SLC25A12: variants seen among roughly 807,000 people sequenced by gnomAD.
SLC25A12 encodes the protein solute carrier family 25 member 12.
SLC25A12 carries 32 observed loss-of-function variants against 83.3 expected under a neutral mutation model. The ratio of observed to expected loss-of-function variants is 0.38; its 90% CI spans 0.29 to 0.52. The LOEUF is 0.52. Among genes scored for constraint, SLC25A12 ranks in the 20% least tolerant of loss-of-function variants. SLC25A12 has a pLI of 0.84. For missense variants in SLC25A12, 611 were observed against 835.6 expected, an observed-to-expected ratio of 0.73 and a Z score of 3.31; for synonymous variants, 267 against 291.1, an observed-to-expected ratio of 0.92 and a Z score of 0.84.
Position 171,815,205 on chromosome 2 carries a change from G to A in SLC25A12, c.931-3C>T. 1 of 1,610,566 alleles carries A rather than the reference G, an allele frequency of 6.2e-7. No homozygotes were observed. Among genetic ancestry groups the A allele is most frequent in the Non-Finnish European group, 8.5e-7 (1 of 1,176,952 alleles). On this transcript the variant is annotated splice_polypyrimidine_tract_variant and splice_region_variant and intron_variant, in intron 9 of 17. Coordinates refer to ENST00000422440, the MANE Select transcript of SLC25A12 (RefSeq NM_003705.5). ...GGCCTGCCTAACCCAGGAGACTGCTGCAGAGAAGAAAACGGGTAAAAAAAA... is the reference window on the plus strand; with the variant it reads ...GGCCTGCCTAACCCAGGAGACTGCTACAGAGAAGAAAACGGGTAAAAAAAA...
intron 8 of SLC25A12, among the ~76,000 whole-genome samples, chr2:171,831,519 T>C (rs1684430807): frequency 6.6e-6 from 1 of 152,174 alleles, no homozygotes; most frequent in South Asian, 2.1e-4. Flanking sequence ...TAAAGTAGAA[T>C]GCTTAATTAC....
intron 2 of SLC25A12, among the ~76,000 whole-genome samples, chr2:171,871,967 T>C (rs1460070295): frequency 1.2e-5 from 1 of 80,678 alleles, no homozygotes; most frequent in African/African-American, 3.5e-5. Context: ...TGATGACTTG[T>C]GCTATAGAAC....
chr2:171,785,709 A>C (rs539318879), intron 17 of SLC25A12, among the ~76,000 whole-genome samples: 3 of 152,178 alleles, frequency 2.0e-5, no homozygotes, highest in Non-Finnish European at 2.9e-5. Flanking sequence ...CAATGCTTGC[A>C]TACATATATA....
intron 3 of SLC25A12, among the ~76,000 whole-genome samples, chr2:171,865,159 C>T (rs776043002): frequency 6.6e-6 from 1 of 152,058 alleles, no homozygotes; most frequent in African/African-American, 2.4e-5. Flanking sequence ...GCATAGCAGG[C>T]ACTCAATACC....
intron 13 of SLC25A12, among the ~76,000 whole-genome samples, chr2:171,803,306 A>G (rs552912112): frequency 6.6e-6 from 1 of 152,268 alleles, no homozygotes; most frequent in Admixed American, 6.5e-5. Flanking sequence ...ATATAACACC[A>G]AAAGCACAAA....
At chr2:171,839,102 T>A (rs1684618190) in intron 5 of SLC25A12, among the ~76,000 whole-genome samples, 1 of 152,084 alleles carries the variant, frequency 6.6e-6, no homozygotes, top group African/African-American at 2.4e-5. Context: ...AGGAAAACAG[T>A]GAGAGAAAGA....
intron 2 of SLC25A12, among the ~76,000 whole-genome samples, chr2:171,880,138 G>C (rs1339966316): frequency 6.6e-6 from 1 of 152,150 alleles, no homozygotes; most frequent in African/African-American, 2.4e-5. Flanking sequence ...TAATACAGAT[G>C]AAGCAAGGTT....
chr2:171,866,683 G>A (rs1685323448), intron 3 of SLC25A12, among the ~76,000 whole-genome samples: 1 of 130,834 alleles, frequency 7.6e-6, no homozygotes, highest in Non-Finnish European at 1.6e-5. Context: ...GCTGTGCAGA[G>A]GGGCTCCTCA....
intron 8 of SLC25A12, among the ~76,000 whole-genome samples, chr2:171,833,107 G>A (rs1443086468): frequency 2.6e-5 from 4 of 152,044 alleles, no homozygotes; most frequent in Admixed American, 6.5e-5. Context: ...ACCTAGAGAC[G>A]ATTAAGCTTC....
intron 15 of SLC25A12, among the ~76,000 whole-genome samples, chr2:171,789,263 C>G (rs1690547134): frequency 6.6e-6 from 1 of 152,076 alleles, no homozygotes; most frequent in Non-Finnish European, 1.5e-5. Flanking sequence ...CAGTCTCACT[C>G]TGTCGCCCAG....
chr2:171,788,771 A>G (rs1690536944), intron 15 of SLC25A12: 2 of 152,268 alleles, frequency 1.3e-5, no homozygotes, highest in Admixed American at 1.3e-4. Context: ...GCCTTGTACG[A>G]GGTTCTGCTA....
intron 13 of SLC25A12, among the ~76,000 whole-genome samples, chr2:171,805,459 G>GT (rs1683806441): frequency 2.6e-5 from 4 of 152,160 alleles, no homozygotes; most frequent in Admixed American, 2.6e-4. Flanking sequence ...GGTATTCAAT[G>GT]AGTAAGTGAA....
At chr2:171,793,123 GT>G (rs79549051) in intron 14 of SLC25A12, among the ~76,000 whole-genome samples, 258 of 129,474 alleles carry the variant, frequency 2.0e-3, no homozygotes, top group East Asian at 4.1e-3. Flanking sequence ...TTGTTGGTTT[GT>G]TTTTTTTTTT....
At chr2:171,811,956 C>T (rs540214594) in intron 11 of SLC25A12, among the ~76,000 whole-genome samples, 9 of 152,290 alleles carry the variant, frequency 5.9e-5, no homozygotes, top group Admixed American at 5.2e-4. Context: ...TGCCACTCAA[C>T]CTTGATTCCC....
At position 171,793,729 on chromosome 2, in the gene SLC25A12, C is replaced by T. The variant is rs780345652; in HGVS notation, c.1344G>A (p.Glu448=). The change falls in exon 14 of 18, where the codon GAG becomes GAA. Residue 448 remains glutamate, a synonymous_variant. Transcript: ENST00000422440. The part of the protein sequence containing the change: ...GSQVIFTNPL[E]IVKIRLQVAG... The stretch of plus-strand genomic sequence containing the variant: ...CTACTTGCAGACGAATCTTCACTAT[C>T]TCCAATGGGTTGGTAAAAATGACCT... The T allele has an allele frequency of 6.2e-7, 1 of 1,614,204 alleles. No homozygotes were observed. Among genetic ancestry groups the T allele is most frequent in the Middle Eastern group, 1.6e-4 (1 of 6,062 alleles).
chr2:171,801,170 C>G (rs77374377), intron 13 of SLC25A12, among the ~76,000 whole-genome samples: 1 of 152,174 alleles, frequency 6.6e-6, no homozygotes, highest in African/African-American at 2.4e-5. Flanking sequence ...AAGAAAGTCA[C>G]TATAAAGTTG....
chr2:171,837,417 A>G, intron 5 of SLC25A12, 150 bp from the exon 6 acceptor site: 1 of 811,292 alleles, frequency 1.2e-6, no homozygotes, highest in Non-Finnish European at 2.0e-6. Flanking sequence ...CAAAACTTTT[A>G]ATTTCTTTCA....
In SLC25A12 at chr2:171,875,910, CAAAAAAA is replaced by C. The variant is rs34276775; in HGVS notation, c.67-7094_67-7088del. ...CCTGGGCGAGCGCAAGACTCTGTCTCAAAAAAAAAAAAAAAAAAAAGAAACCTGCACA... is the reference window on the plus strand; with the variant it reads ...CCTGGGCGAGCGCAAGACTCTGTCTCAAAAAAAAAAAAAGAAACCTGCACA... On this transcript the variant is annotated intron_variant, in intron 2 of 17. Coordinates refer to ENST00000422440, the MANE Select transcript of SLC25A12 (RefSeq NM_003705.5). 1.3e-4 allele frequency among the ~76,000 whole-genome samples: 13 copies of C among 99,002 alleles called. No individual in the cohort carries two copies. In the Admixed American group the frequency reaches 1.4e-3, roughly 10 times the overall value. The allele number at this position is 99,002 out of a possible 152,430, so 64.9% of individuals were successfully genotyped here. A position where few individuals can be genotyped will look rare whatever the true frequency, so the allele number is the denominator to read the frequency against.
intron 10 of SLC25A12, among the ~76,000 whole-genome samples, chr2:171,813,698 T>C (rs1222330127): frequency 6.6e-6 from 1 of 152,202 alleles, no homozygotes; most frequent in Non-Finnish European, 1.5e-5. Flanking sequence ...TAAATACAGC[T>C]GCTTCAGAAA....
Sources: gnomAD v4.1 joint callset for allele counts (sites outside exome capture counted in the v4.1 genomes callset) on GRCh38, gnomAD v4.1.1 for gene constraint, MANE v1.5 for transcripts, NCBI Gene and HGNC (gene_info 2026-07-23, HGNC 2026-07-21) for gene names.